GMCL1: variants seen among roughly 807,000 people sequenced by gnomAD.
GMCL1 encodes the protein germ cell-less 1, spermatogenesis associated.
GMCL1 carries 54 observed loss-of-function variants against 75.5 expected under a neutral mutation model. The ratio of observed to expected loss-of-function variants is 0.71; its 90% CI spans 0.57 to 0.90. The LOEUF (loss-of-function observed/expected upper bound fraction) is 0.90. GMCL1 is among the 40% of genes least tolerant of loss of function. The probability of loss-of-function intolerance (pLI) is 0.00; values close to 1 mark genes in which losing one functional copy is unlikely to be tolerated. For missense variants in GMCL1, 537 were observed against 622.7 expected, an observed-to-expected ratio of 0.86 and a Z score of 1.47; for synonymous variants, 210 against 209.6, an observed-to-expected ratio of 1.00 and a Z score of -0.02.
Position 69,843,241 on chromosome 2 carries a change from A to G in GMCL1, c.672A>G (p.Gly224=), listed in dbSNP as rs756103122. Residue 224 remains glycine (G), a synonymous_variant, in exon 5 of 14, where the codon GGA becomes GGG. Transcript: ENST00000282570. ...CGYYTSAGTY[G]LDSVKKKCLE... is the part of the protein sequence containing the mutation. ...ATTACACATCAGCAGGGACCTATGGATTAGATTCTGTAAAGAAAAAGTGAG... is the reference window on the plus strand; with the variant it reads ...ATTACACATCAGCAGGGACCTATGGGTTAGATTCTGTAAAGAAAAAGTGAG... 1.8e-5 allele frequency: 29 copies of G among 1,593,272 alleles called. No homozygotes were observed. The highest frequency in any genetic ancestry group is 2.5e-5 in the Non-Finnish European group (29 of 1,162,826).
Position 69,831,612 on chromosome 2 carries a change from T to A in GMCL1, c.260+1460T>A, listed in dbSNP as rs1187607854. Among the ~76,000 whole-genome samples the A allele has an allele frequency of 5.9e-5, 9 of 151,346 alleles. No individual in the cohort carries two copies. The East Asian group carries it at 1.8e-3, about 29-fold the overall frequency. ...ATAGTTTTTTTTTCCTTTGGAAAAATTTTTCTCTATTTTGAGACAGGGTCT... is the reference window on the plus strand; with the variant it reads ...ATAGTTTTTTTTTCCTTTGGAAAAAATTTTCTCTATTTTGAGACAGGGTCT... On this transcript the variant is annotated intron_variant, in intron 1 of 13. Transcript: ENST00000282570.
chr2:69,829,936 C>A lies in GMCL1; in HGVS notation c.44C>A (p.Ala15Asp), dbSNP rs755472845. Reference protein sequence around the residue: ...SSRVLRQPRPALAQQAQGARA... With the variant: ...SSRVLRQPRPDLAQQAQGARA... The stretch of plus-strand genomic sequence containing the variant: ...CGGGTGCTGCGCCAGCCAAGACCAG[C>A]CCTTGCCCAGCAGGCGCAGGGTGCC... The change falls in exon 1 of 14, where the codon GCC becomes GAC. Residue 15 changes from alanine (A) to aspartate (D), a missense_variant. Physicochemically the swap from Ala to Asp is moderately radical, Grantham distance 126 (BLOSUM62 -2). Around this residue, in one of 3 missense-constraint regions of GMCL1, gnomAD observed 144 missense variants for 127.2 expected, o/e 1.13. Coordinates refer to ENST00000282570, the MANE Select transcript of GMCL1 (RefSeq NM_178439.5). 33 of 1,604,070 alleles carry A rather than the reference C, an allele frequency of 2.1e-5. No individual in the cohort carries two copies. The highest frequency in any genetic ancestry group is 2.7e-5 in the African/African-American group (2 of 74,750).
intron 8 of GMCL1, among the ~76,000 whole-genome samples, chr2:69,851,513 A>G (rs1172882959): frequency 1.3e-5 from 2 of 152,090 alleles, no homozygotes; most frequent in African/African-American, 4.8e-5. Context: ...GGGAGGCTGA[A>G]GGAGGAGAAT....
chr2:69,830,268 G>C, intron 1 of GMCL1, 116 bp downstream of exon 1: 1 of 1,334,302 alleles, frequency 7.5e-7, no homozygotes, highest in East Asian at 2.5e-5. Flanking sequence ...GAGAGGGGAC[G>C]TGCCCTTGAC....
At chr2:69,838,973 T>A (rs1220710210) in intron 2 of GMCL1, among the ~76,000 whole-genome samples, 2 of 152,238 alleles carry the variant, frequency 1.3e-5, no homozygotes, top group Non-Finnish European at 2.9e-5. Flanking sequence ...GAGTGCTATC[T>A]GGCAGATACC....
intron 13 of GMCL1, among the ~76,000 whole-genome samples, chr2:69,877,493 A>G (rs1178368384): frequency 6.6e-6 from 1 of 152,186 alleles, no homozygotes. Context: ...TTTGTCCTCA[A>G]CAAATTTGGT....
intron 2 of GMCL1, 143 bp downstream of exon 2, chr2:69,837,813 G>A (rs1388020973): frequency 2.0e-5 from 20 of 980,746 alleles, no homozygotes; most frequent in Non-Finnish European, 2.7e-5. Flanking sequence ...AAGAAAAATG[G>A]CAAACATTGT....
intron 1 of GMCL1, among the ~76,000 whole-genome samples, chr2:69,832,813 AAATTT>A (rs1352611565): frequency 1.3e-5 from 2 of 152,260 alleles, no homozygotes; most frequent in Admixed American, 6.5e-5. Flanking sequence ...TGAATACAGG[AAATTT>A]AATATAAACA....
intron 1 of GMCL1, among the ~76,000 whole-genome samples, chr2:69,837,329 A>G (rs1257700965): frequency 6.6e-6 from 1 of 152,212 alleles, no homozygotes; most frequent in Non-Finnish European, 1.5e-5. Context: ...TCTCCCGTGC[A>G]TAGAGGACCC....
chr2:69,845,400 A>G (rs996718307), intron 6 of GMCL1, among the ~76,000 whole-genome samples: 7 of 152,314 alleles, frequency 4.6e-5, no homozygotes, highest in African/African-American at 1.4e-4. Context: ...TGGCGGTGAC[A>G]ATGAGGACTG....
chr2:69,864,590 C>CTTTTTT (rs534389389), intron 10 of GMCL1, among the ~76,000 whole-genome samples: 36 of 88,216 alleles, frequency 4.1e-4, no homozygotes, highest in East Asian at 7.1e-4. Flanking sequence ...TAGACTTTTA[C>CTTTTTT]TTTTTTTTTT....
chr2:69,838,041 T>C (rs1404340320), intron 2 of GMCL1, among the ~76,000 whole-genome samples: 1 of 152,184 alleles, frequency 6.6e-6, no homozygotes, highest in Non-Finnish European at 1.5e-5. Context: ...ATCTGAAATG[T>C]TGCTTTGTAG....
At position 69,854,823 on chromosome 2, in the gene GMCL1, A is replaced by G; in HGVS notation, c.935A>G (p.Asp312Gly). Residue 312 changes from aspartate (D) to glycine (G), a missense_variant and splice_region_variant, in exon 9 of 14, where the codon GAT (aspartate) becomes GGT (glycine). Transcript: ENST00000282570. ...GTTTAACTTACATGGTTTTTTATAG[A>G]TTTTGAAGGTATGGCCTTTCTTGAA... ...TDVWFSKQRK[D>G]FEGMAFLETE... The G allele has an allele frequency of 1.2e-6, 2 of 1,602,742 alleles. No homozygotes were observed. The highest frequency in any genetic ancestry group is 1.7e-6 in the Non-Finnish European group (2 of 1,176,814).
intron 1 of GMCL1, among the ~76,000 whole-genome samples, chr2:69,830,973 G>T (rs1464750844): frequency 6.6e-6 from 1 of 152,188 alleles, no homozygotes; most frequent in East Asian, 1.9e-4. Context: ...AGGCCGGAGT[G>T]CAGTGGTGCG....
At chr2:69,862,555 T>C (rs1047789926) in intron 10 of GMCL1, among the ~76,000 whole-genome samples, 25 of 151,728 alleles carry the variant, frequency 1.6e-4, no homozygotes, top group African/African-American at 6.0e-4. Context: ...AGGTCAGGAG[T>C]TCGAGACAAG....
rs3832156 is a variant in GMCL1 at position 69,839,439 on chromosome 2, CTT to C, written c.385-9_385-8del. The C allele has an allele frequency of 2.3e-5, 30 of 1,329,974 alleles. No individual in the cohort carries two copies. Among genetic ancestry groups the C allele is most frequent in the South Asian group, 4.1e-5 (3 of 72,498 alleles). 82.4% of individuals were successfully genotyped at this position (1,329,974 alleles called of 1,614,324 possible). A position where few individuals can be genotyped will look rare whatever the true frequency, so the allele number is the denominator to read the frequency against. On this transcript the variant is annotated splice_polypyrimidine_tract_variant and intron_variant, in intron 2 of 13. Transcript: ENST00000282570. ...ACAGAAAGTACTTGATAATCGTTGA[CTT>C]TTTTTTTTGTTTAAGTCTGGCTACT... is the stretch of plus-strand genomic sequence containing the variant.
intron 11 of GMCL1, among the ~76,000 whole-genome samples, chr2:69,869,213 C>T (rs1010692823): frequency 6.8e-6 from 1 of 147,900 alleles, no homozygotes; most frequent in Non-Finnish European, 1.5e-5. Flanking sequence ...CATGCCATTG[C>T]ACTCCAGCCT....
At chr2:69,838,443 G>T (rs1266249345) in intron 2 of GMCL1, among the ~76,000 whole-genome samples, 1 of 147,914 alleles carries the variant, frequency 6.8e-6, no homozygotes, top group Non-Finnish European at 1.5e-5. Flanking sequence ...AAATCTATAA[G>T]CTAGGTATTG....
intron 1 of GMCL1, among the ~76,000 whole-genome samples, chr2:69,837,009 C>T (rs925991119): frequency 2.0e-5 from 3 of 152,018 alleles, no homozygotes; most frequent in Non-Finnish European, 4.4e-5. Flanking sequence ...GGTTGCAAAC[C>T]GTTTGTCCAG....
Sources: allele counts gnomAD v4.1 joint callset (sites outside exome capture counted in the v4.1 genomes callset), GRCh38; gene constraint gnomAD v4.1.1; regional missense constraint gnomAD v4.1.1; transcripts MANE v1.5; gene names NCBI Gene and HGNC (gene_info 2026-07-23, HGNC 2026-07-21).